The following DISP1 variants were observed in gnomAD, a reference collection of about 807,000 sequenced individuals.
The protein encoded by DISP1 is dispatched RND transporter family member 1.
In DISP1, 30 loss-of-function variants were observed where a neutral mutation model predicts 37.3. The observed-to-expected ratio is 0.80, with a 90% confidence interval of 0.60 to 1.09. The LOEUF (loss-of-function observed/expected upper bound fraction) is 1.09, where lower values mean the gene tolerates loss of function less well. DISP1 is among the 50% of genes least tolerant of loss of function. The probability of loss-of-function intolerance (pLI) is 0.00; values close to 1 mark genes in which losing one functional copy is unlikely to be tolerated. For synonymous variants in DISP1, 634 were observed against 690.2 expected (o/e 0.92, Z 1.28); for missense variants, 1,598 against 1,879.5 (o/e 0.85, Z 2.77).
intron 1 of DISP1, among the ~76,000 whole-genome samples, chr1:222,824,268 T>C (rs1408560944): frequency 6.6e-6 from 1 of 152,194 alleles, no homozygotes; most frequent in Non-Finnish European, 1.5e-5. Flanking sequence ...CTCTATTTAT[T>C]GATCATATAT....
chr1:222,904,519 G>A (rs1292781366), intron 1 of DISP1, among the ~76,000 whole-genome samples: 1 of 151,280 alleles, frequency 6.6e-6, no homozygotes, highest in Non-Finnish European at 1.5e-5. Flanking sequence ...AAATTTAGAA[G>A]CAGTAATTTA....
chr1:222,946,166 G>A (rs1418326440), intron 3 of DISP1, among the ~76,000 whole-genome samples: 5 of 150,720 alleles, frequency 3.3e-5, no homozygotes, highest in African/African-American at 1.2e-4. Flanking sequence ...GAGGTCAGGA[G>A]GTCGAGACCA....
At chr1:222,820,693 C>T (rs904367654) in intron 1 of DISP1, among the ~76,000 whole-genome samples, 2 of 152,182 alleles carry the variant, frequency 1.3e-5, no homozygotes, top group Non-Finnish European at 1.5e-5. Flanking sequence ...AAACCTTAGG[C>T]AAGTTACTGA....
At chr1:222,828,512 A>T (rs1004379218) in intron 1 of DISP1, among the ~76,000 whole-genome samples, 8 of 152,140 alleles carry the variant, frequency 5.3e-5, no homozygotes, top group Non-Finnish European at 1.2e-4. Context: ...ACCCATATGC[A>T]TTTAACCTTT....
chr1:222,992,777 G>A lies in DISP1; in HGVS notation c.889+667G>A, dbSNP rs145599694. The stretch of plus-strand genomic sequence containing the variant: ...AACATCTGCCCTGTCGAAAGAAATC[G>A]GCTGCTACTTAGCCGCGACAAAAGA... On this transcript the variant is annotated intron_variant, in intron 7 of 8. Transcript: ENST00000675850. Among the ~76,000 whole-genome samples the A allele has an allele frequency of 1.9e-3, 286 of 152,110 alleles. 2 individuals are homozygous for A. The highest frequency in any genetic ancestry group is 6.7e-3 in the African/African-American group (277 of 41,494).
intron 3 of DISP1, among the ~76,000 whole-genome samples, chr1:222,972,354 C>T (rs1677019973): frequency 6.6e-6 from 1 of 152,066 alleles, no homozygotes; most frequent in South Asian, 2.1e-4. Context: ...TAGCTCCTAA[C>T]CTGCTCTCCT....
chr1:222,855,885 C>A (rs1441289003), intron 1 of DISP1, among the ~76,000 whole-genome samples: 2 of 138,196 alleles, frequency 1.4e-5, no homozygotes, highest in Admixed American at 7.4e-5. Flanking sequence ...AGAGACAAGA[C>A]CATCATTCTC....
At chr1:222,899,401 G>C (rs953050665) in intron 1 of DISP1, among the ~76,000 whole-genome samples, 1 of 152,190 alleles carries the variant, frequency 6.6e-6, no homozygotes. Context: ...TTGGTGAAAT[G>C]GTTAAGAGTA....
At chr1:222,823,845 C>A (rs1487205130) in intron 1 of DISP1, 1 of 65,068 alleles carries the variant, frequency 1.5e-5, no homozygotes, top group East Asian at 4.0e-4. Flanking sequence ...TTTTTTTTTT[C>A]GGACTCCTAG....
intron 2 of DISP1, among the ~76,000 whole-genome samples, chr1:222,936,360 C>T (rs1673723476): frequency 6.6e-6 from 1 of 151,980 alleles, no homozygotes; most frequent in Admixed American, 6.6e-5. Flanking sequence ...ATCCTGATAG[C>T]ATTTTCAATG....
chr1:222,930,306 A>G (rs1673318647), intron 2 of DISP1, among the ~76,000 whole-genome samples: 1 of 152,128 alleles, frequency 6.6e-6, no homozygotes, highest in Non-Finnish European at 1.5e-5. Context: ...AACATTTCCT[A>G]TTTTTGAAAA....
At chr1:222,910,996 AC>A (rs1322394111) in intron 1 of DISP1, among the ~76,000 whole-genome samples, 1 of 152,162 alleles carries the variant, frequency 6.6e-6, no homozygotes, top group Non-Finnish European at 1.5e-5. Context: ...TTTTTAGCTG[AC>A]TTTTTTCCAG....
chr1:222,979,271 G>A (rs1410429206), intron 3 of DISP1, among the ~76,000 whole-genome samples: 2 of 152,076 alleles, frequency 1.3e-5, no homozygotes, highest in African/African-American at 4.8e-5. Flanking sequence ...AAATTAACTG[G>A]GTGTCATGGC....
At chr1:222,983,725 C>T (rs377587531) in intron 4 of DISP1, among the ~76,000 whole-genome samples, 2 of 152,208 alleles carry the variant, frequency 1.3e-5, no homozygotes, top group African/African-American at 4.8e-5. Context: ...GTTCTGCCAA[C>T]TACCATGACT....
intron 3 of DISP1, chr1:222,979,545 T>C: frequency 2.1e-6 from 1 of 466,362 alleles, no homozygotes; most frequent in South Asian, 1.6e-5. Context: ...GAATTATATC[T>C]CAATAAAACT....
intron 1 of DISP1, among the ~76,000 whole-genome samples, chr1:222,904,996 A>G (rs949739929): frequency 1.3e-5 from 2 of 152,216 alleles, no homozygotes; most frequent in African/African-American, 4.8e-5. Context: ...GGTAAATACA[A>G]ATCGGATCAT....
chr1:222,977,038 C>CT (rs1311473535), intron 3 of DISP1, among the ~76,000 whole-genome samples: 2 of 151,844 alleles, frequency 1.3e-5, no homozygotes, highest in African/African-American at 2.4e-5. Flanking sequence ...ATAGCATATT[C>CT]TTTTTTTTGA....
At chr1:222,954,594 A>G (rs1171369319) in intron 3 of DISP1, among the ~76,000 whole-genome samples, 1 of 152,186 alleles carries the variant, frequency 6.6e-6, no homozygotes, top group Non-Finnish European at 1.5e-5. Context: ...ATTTCAGCAA[A>G]AATAACCCAA....
intron 3 of DISP1, among the ~76,000 whole-genome samples, chr1:222,972,083 T>A (rs1277222149): frequency 6.6e-6 from 1 of 152,102 alleles, no homozygotes; most frequent in East Asian, 1.9e-4. Context: ...CGATTATAGT[T>A]TGAGGCACTT....
Sources: allele counts gnomAD v4.1 joint callset (sites outside exome capture counted in the v4.1 genomes callset), GRCh38; gene constraint gnomAD v4.1.1; transcripts MANE v1.5; gene names NCBI Gene and HGNC (gene_info 2026-07-23, HGNC 2026-07-21).